KCNMA1: variants seen among roughly 807,000 people sequenced by gnomAD.
KCNMA1 encodes the protein Calcium-activated potassium channel subunit alpha-1.
A neutral mutation model predicts 140.0 loss-of-function variants in KCNMA1; 29 were observed. The ratio of observed to expected loss-of-function variants is 0.21; its 90% confidence interval spans 0.15 to 0.28. The LOEUF is 0.28. Among genes scored for constraint, KCNMA1 ranks in the 10% least tolerant of loss-of-function variants. The probability of loss-of-function intolerance (pLI) is 1.00; values close to 1 mark genes in which losing one functional copy is unlikely to be tolerated. For synonymous variants in KCNMA1, 612 were observed against 611.9 expected, an observed-to-expected ratio of 1.00 and a Z score of 0.00; for missense variants, 880 against 1,602.2, an observed-to-expected ratio of 0.55 and a Z score of 7.70.
chr10:77,347,217 C>G (rs2092300534), intron 2 of KCNMA1, among the ~76,000 whole-genome samples: 1 of 152,178 alleles, frequency 6.6e-6, no homozygotes, highest in Non-Finnish European at 1.5e-5. Flanking sequence ...TTTACCAGCA[C>G]TCATCATATA....
Position 77,506,753 on chromosome 10 carries a change from G to GGAGA in KCNMA1, c.379-102734_379-102731dup, listed in dbSNP as rs141918883. 4.4e-5 allele frequency among the ~76,000 whole-genome samples: 3 copies of GGAGA among 68,186 alleles called. 1 individual carries two copies. The highest frequency in any genetic ancestry group is 8.6e-5 in the Non-Finnish European group (3 of 34,716). 44.7% of individuals were successfully genotyped at this position (68,186 alleles called of 152,430 possible). On this transcript the variant is annotated intron_variant, in intron 1 of 27. Coordinates refer to ENST00000286628, the MANE Select transcript of KCNMA1 (RefSeq NM_001161352.2). ...GTGTGTGTGTGTGTTTGTTAGAGAG[G>GGAGA]GAGAGAGAGAGAGAGAGAGAGCTTT...
chr10:77,285,155 AG>A (rs1184183893), intron 2 of KCNMA1, among the ~76,000 whole-genome samples: 1 of 152,238 alleles, frequency 6.6e-6, no homozygotes, highest in Non-Finnish European at 1.5e-5. Flanking sequence ...CTTTAAAGAA[AG>A]AAATAAATGC....
downstream of KCNMA1, among the ~76,000 whole-genome samples, chr10:76,880,690 TGAA>T (rs1394935354): frequency 1.3e-5 from 2 of 152,200 alleles, no homozygotes; most frequent in Non-Finnish European, 1.5e-5. Flanking sequence ...TCTTGCCTTC[TGAA>T]GAAGAAACAA....
intron 14 of KCNMA1, among the ~76,000 whole-genome samples, chr10:77,068,057 C>T (rs1595189059): frequency 6.6e-6 from 1 of 152,292 alleles, no homozygotes; most frequent in East Asian, 1.9e-4. Context: ...AAACCTGGAA[C>T]CAGTTTGCTT....
chr10:77,506,598 T>A (rs1711298), intron 1 of KCNMA1, among the ~76,000 whole-genome samples: 1,825 of 55,682 alleles, frequency 0.033, 41 homozygotes, highest in Middle Eastern at 0.081. Context: ...AGAGAGAGAG[T>A]GTGTGTGTGT....
intron 6 of KCNMA1, among the ~76,000 whole-genome samples, chr10:77,118,972 C>T (rs1167664526): frequency 6.6e-6 from 1 of 152,224 alleles, no homozygotes; most frequent in Non-Finnish European, 1.5e-5. Context: ...CACCCTCTAA[C>T]AACAAGAGTT....
intron 3 of KCNMA1, among the ~76,000 whole-genome samples, chr10:77,220,588 C>A (rs984738732): frequency 2.6e-5 from 4 of 152,088 alleles, no homozygotes; most frequent in Admixed American, 2.6e-4. Context: ...TACAAAGGGG[C>A]CATTCTAATA....
intron 22 of KCNMA1, among the ~76,000 whole-genome samples, chr10:76,948,053 G>C (rs2064859761): frequency 6.6e-6 from 1 of 152,158 alleles, no homozygotes; most frequent in Non-Finnish European, 1.5e-5. Flanking sequence ...TGCCCAGGCT[G>C]GAGTGCAGTG....
chr10:77,052,269 TTTCCTAAC>T (rs2095395984), intron 14 of KCNMA1, among the ~76,000 whole-genome samples: 1 of 152,210 alleles, frequency 6.6e-6, no homozygotes, highest in African/African-American at 2.4e-5. Context: ...ACCCATGGAC[TTTCCTAAC>T]GGCCAGTAAG....
At chr10:77,227,109 A>T (rs2051743863) in intron 3 of KCNMA1, among the ~76,000 whole-genome samples, 5 of 152,202 alleles carry the variant, frequency 3.3e-5, no homozygotes, top group Non-Finnish European at 1.5e-5. Context: ...GATTCTGTGC[A>T]TGCCATTTCC....
chr10:77,124,051 G>T (rs893768442), intron 5 of KCNMA1, among the ~76,000 whole-genome samples: 1 of 152,162 alleles, frequency 6.6e-6, no homozygotes, highest in Non-Finnish European at 1.5e-5. Context: ...TCAGACTACG[G>T]TTGCCTGGGG....
chr10:77,399,017 T>A (rs1261151208), intron 2 of KCNMA1, among the ~76,000 whole-genome samples: 7 of 152,106 alleles, frequency 4.6e-5, no homozygotes, highest in African/African-American at 1.7e-4. Flanking sequence ...GGAGAGATGA[T>A]GAAGACAAGC....
intron 2 of KCNMA1, among the ~76,000 whole-genome samples, chr10:77,360,055 A>G (rs982496745): frequency 2.6e-5 from 4 of 152,268 alleles, no homozygotes; most frequent in African/African-American, 9.6e-5. Context: ...ACACAAGAGT[A>G]TAAACTCATT....
At chr10:77,351,484 C>T (rs1409954780) in intron 2 of KCNMA1, among the ~76,000 whole-genome samples, 1 of 152,154 alleles carries the variant, frequency 6.6e-6, no homozygotes, top group African/African-American at 2.4e-5. Flanking sequence ...GCTGGATAAG[C>T]CCATTTCAGC....
At chr10:77,482,521 G>A (rs1335209826) in intron 1 of KCNMA1, among the ~76,000 whole-genome samples, 1 of 152,156 alleles carries the variant, frequency 6.6e-6, no homozygotes, top group Non-Finnish European at 1.5e-5. Flanking sequence ...ACAAATGCAT[G>A]AGACGGCATA....
At chr10:77,486,455 C>A (rs558210513) in intron 1 of KCNMA1, among the ~76,000 whole-genome samples, 12 of 152,294 alleles carry the variant, frequency 7.9e-5, no homozygotes, top group South Asian at 4.1e-4. Flanking sequence ...CAGGGTTGTT[C>A]TAAAGATTCA....
At chr10:77,391,350 C>T (rs1213575244) in intron 2 of KCNMA1, among the ~76,000 whole-genome samples, 1 of 152,126 alleles carries the variant, frequency 6.6e-6, no homozygotes, top group Non-Finnish European at 1.5e-5. Context: ...GCTTCCCACC[C>T]TCACCCCGTC....
intron 1 of KCNMA1, among the ~76,000 whole-genome samples, chr10:77,459,770 C>T (rs2097827186): frequency 1.3e-5 from 2 of 152,256 alleles, no homozygotes; most frequent in African/African-American, 4.8e-5. Context: ...CACAGACTCT[C>T]TGGAGCCCAC....
intron 18 of KCNMA1, among the ~76,000 whole-genome samples, chr10:77,006,650 A>G (rs1417763404): frequency 6.6e-6 from 1 of 152,254 alleles, no homozygotes; most frequent in Non-Finnish European, 1.5e-5. Context: ...TAATGTCAGC[A>G]GCACAGAGCA....
Sources: allele counts gnomAD v4.1 joint callset (sites outside exome capture counted in the v4.1 genomes callset), GRCh38; gene constraint gnomAD v4.1.1; transcripts MANE v1.5; gene names NCBI Gene and HGNC (gene_info 2026-07-23, HGNC 2026-07-21).